The following SMARCA2 variants were observed in gnomAD, a reference collection of about 807,000 sequenced individuals.
The protein encoded by SMARCA2 is SWI/SNF-related matrix-associated actin-dependent regulator of chromatin subfamily A member 2.
In SMARCA2, 61 loss-of-function variants were observed where a neutral mutation model predicts 199.8. That is an observed-to-expected ratio of 0.31 (90% CI 0.25 to 0.38). The LOEUF (loss-of-function observed/expected upper bound fraction) is 0.38. Among genes scored for constraint, SMARCA2 ranks in the 10% least tolerant of loss-of-function variants. The pLI is 1.00. For synonymous variants in SMARCA2, 935 were observed against 732.0 expected (o/e 1.28, Z -4.48); for missense variants, 1,344 against 2,012.2 (o/e 0.67, Z 6.35).
intron 27 of SMARCA2, among the ~76,000 whole-genome samples, chr9:2,149,117 A>G (rs150530946): frequency 6.6e-6 from 1 of 151,552 alleles, no homozygotes; most frequent in African/African-American, 2.4e-5. Context: ...AAGGAGGTTT[A>G]ATTGGACTTA....
chr9:2,182,820 A>G (rs1690740861), intron 31 of SMARCA2, among the ~76,000 whole-genome samples: 2 of 126,352 alleles, frequency 1.6e-5, no homozygotes, highest in Non-Finnish European at 3.3e-5. Context: ...TTTTTTCGAG[A>G]TGGAGTCTCG....
chr9:2,081,769 T>A lies in SMARCA2; in HGVS notation c.2185-63T>A, dbSNP rs180852804. On this transcript the variant is annotated intron_variant, in intron 14 of 33. Transcript: ENST00000349721. ...TTAAGAAGTCACACCCTCACTTGGG[T>A]TGTATTAGGATTAATTACCTGTGCA... The A allele has an allele frequency of 1.1e-5, 16 of 1,484,316 alleles. No individual in the cohort carries two copies. In the African/African-American group the frequency reaches 1.9e-4, roughly 18 times the overall value. 91.9% of individuals were successfully genotyped at this position (1,484,316 alleles called of 1,614,324 possible).
intron 28 of SMARCA2, among the ~76,000 whole-genome samples, chr9:2,165,039 T>A (rs1464571076): frequency 6.6e-6 from 1 of 152,188 alleles, no homozygotes; most frequent in Non-Finnish European, 1.5e-5. Context: ...ATATTTTTGG[T>A]TGGTTTTAGA....
Position 2,115,675 on chromosome 9 carries a change from C to G in SMARCA2, c.3457-147C>G. On this transcript the variant is annotated intron_variant, in intron 24 of 33. Transcript: ENST00000349721. This position sits in a 1 kb window ranked among gnomAD's most constrained non-coding sequence, Gnocchi z 6.0. ...TGACACTGAATTTTTCCAAACGTAG[C>G]TTGTGTGTTTTTAAAATGTAGGCAA... The G allele has an allele frequency of 4.6e-6, 3 of 653,198 alleles. No individual in the cohort carries two copies. The Admixed American group carries it at 8.8e-5, about 19-fold the overall frequency. The allele number at this position is 653,198 out of a possible 1,614,324, so 40.5% of individuals were successfully genotyped here.
At chr9:2,075,466 G>T (rs902960468) in intron 12 of SMARCA2, 3 of 152,232 alleles carry the variant, frequency 2.0e-5, no homozygotes, top group African/African-American at 7.2e-5. Context: ...GTAGCACTCG[G>T]TTGAGAAGGG....
intron 5 of SMARCA2, among the ~76,000 whole-genome samples, chr9:2,049,313 A>G (rs1820018145): frequency 6.6e-6 from 1 of 152,162 alleles, no homozygotes; most frequent in African/African-American, 2.4e-5. Context: ...AGTTTATTTT[A>G]GGAACTTTTT....
chr9:2,016,050 T>TAGG lies in SMARCA2; in HGVS notation c.-37+646_-37+647insAGG, dbSNP rs1218008005. Reference sequence around the variant, plus strand: ...TGCCACCCGCTTCCCAGGGACTTGTTCAAAGGGCTCCGGCTGCGGAGACGT... The same window carrying TAGG: ...TGCCACCCGCTTCCCAGGGACTTGTTAGGCAAAGGGCTCCGGCTGCGGAGACGT... On this transcript the variant is annotated intron_variant, in intron 1 of 33. Transcript: ENST00000349721. The surrounding 1 kb of genome is among the most constrained non-coding windows in gnomAD (Gnocchi z 5.6). 6.6e-6 allele frequency: 1 copy of TAGG among 152,162 alleles called. No homozygotes were observed. The highest frequency in any genetic ancestry group is 1.5e-5 in the Non-Finnish European group (1 of 68,094). The allele number at this position is 152,162 out of a possible 1,614,324, so 9.4% of individuals were successfully genotyped here.
intron 32 of SMARCA2, among the ~76,000 whole-genome samples, chr9:2,189,976 C>G (rs777239134): frequency 1.3e-5 from 2 of 152,194 alleles, no homozygotes; most frequent in Non-Finnish European, 2.9e-5. Flanking sequence ...TGCCTTGAGA[C>G]CCACCAAACA....
intron 26 of SMARCA2, among the ~76,000 whole-genome samples, chr9:2,122,457 C>T (rs1432445216): frequency 6.6e-6 from 1 of 152,136 alleles, no homozygotes; most frequent in African/African-American, 2.4e-5. Context: ...ATTTCTCATA[C>T]CAAAACATTA....
chr9:2,108,671 A>G lies in SMARCA2; in HGVS notation c.3293-1583A>G, dbSNP rs143389424. Reference sequence around the variant, plus strand: ...CCATTAATACATGTAATTTTTAAAAAAATTCTTGTAGCTGGAAAGATGATA... The same window carrying G: ...CCATTAATACATGTAATTTTTAAAAGAATTCTTGTAGCTGGAAAGATGATA... On this transcript the variant is annotated intron_variant, in intron 23 of 33. Transcript: ENST00000349721. 3.5e-3 allele frequency among the ~76,000 whole-genome samples: 538 copies of G among 152,350 alleles called. 5 individuals carry two copies. Among genetic ancestry groups the G allele is most frequent in the African/African-American group, 0.012 (498 of 41,584 alleles).
At chr9:2,174,922 CT>C (rs1826460245) in intron 29 of SMARCA2, among the ~76,000 whole-genome samples, 1 of 57,172 alleles carries the variant, frequency 1.7e-5, no homozygotes, top group African/African-American at 1.1e-4. Context: ...GAGACCCTCT[CT>C]CAAAAAAAAA....
intron 29 of SMARCA2, among the ~76,000 whole-genome samples, chr9:2,178,951 A>T (rs751675941): frequency 6.6e-6 from 1 of 152,302 alleles, no homozygotes; most frequent in East Asian, 1.9e-4. Flanking sequence ...AATAACACAC[A>T]TGGAAGAATT....
intron 31 of SMARCA2, 97 bp downstream of exon 31, chr9:2,182,339 C>A: frequency 1.3e-6 from 1 of 743,688 alleles, no homozygotes; most frequent in Non-Finnish European, 2.3e-6. Context: ...TGAATCATTG[C>A]TACTGGCAGA....
chr9:2,047,057 C>T (rs1397669667), intron 4 of SMARCA2, among the ~76,000 whole-genome samples, 172 bp from the exon 5 acceptor site: 1 of 149,354 alleles, frequency 6.7e-6, no homozygotes, highest in African/African-American at 2.4e-5. Flanking sequence ...CCCTCCTCTC[C>T]CTCCCTCCTC....
At chr9:2,120,678 T>C (rs1218082811) in intron 26 of SMARCA2, among the ~76,000 whole-genome samples, 36 of 152,134 alleles carry the variant, frequency 2.4e-4, no homozygotes, top group Admixed American at 2.3e-3. Flanking sequence ...ATTGATTGTA[T>C]ATAATGATCC....
At chr9:2,190,279 T>C (rs1022654762) in intron 32 of SMARCA2, among the ~76,000 whole-genome samples, 2 of 152,148 alleles carry the variant, frequency 1.3e-5, no homozygotes, top group African/African-American at 4.8e-5. Context: ...ATGTCCACCA[T>C]ACCTCCCTCA....
intron 27 of SMARCA2, among the ~76,000 whole-genome samples, chr9:2,146,148 G>A (rs1250132082): frequency 1.3e-5 from 2 of 152,182 alleles, no homozygotes; most frequent in Admixed American, 1.3e-4. Context: ...TTCCATGTCT[G>A]GTGATTCTGT....
chr9:2,084,757 T>C (rs1376647190), intron 17 of SMARCA2, among the ~76,000 whole-genome samples: 1 of 152,186 alleles, frequency 6.6e-6, no homozygotes, highest in Non-Finnish European at 1.5e-5. Flanking sequence ...AGGTTGTTTC[T>C]GTGACTATTT....
At chr9:2,150,880 G>A (rs1825029165) in intron 27 of SMARCA2, among the ~76,000 whole-genome samples, 1 of 151,468 alleles carries the variant, frequency 6.6e-6, no homozygotes, top group African/African-American at 2.4e-5. Context: ...GTTCCTCTAT[G>A]TGCATCTGTG....
Sources: gnomAD v4.1 joint callset for allele counts (sites outside exome capture counted in the v4.1 genomes callset) on GRCh38, gnomAD v4.1.1 for gene constraint, Gnocchi (gnomAD v3.1) non-coding constraint, MANE v1.5 for transcripts, NCBI Gene and HGNC (gene_info 2026-07-23, HGNC 2026-07-21) for gene names.